Variants in GRM8 observed in about 807,000 individuals in gnomAD.
GRM8 encodes metabotropic glutamate receptor 8.
A neutral mutation model predicts 87.2 loss-of-function variants in GRM8; 47 were observed. The observed-to-expected ratio is 0.54, with a 90% CI of 0.43 to 0.69. The LOEUF is 0.69. Among genes scored for constraint, GRM8 ranks in the 30% least tolerant of loss-of-function variants. The pLI is 0.00. For missense variants in GRM8, 1,019 were observed against 1,139.2 expected (o/e 0.89, Z 1.52); for synonymous variants, 396 against 404.5 (o/e 0.98, Z 0.25).
rs552074756 is a variant in GRM8, at chr7:126,919,506, G to C, written c.728-14823C>G. 1.7e-4 allele frequency among the ~76,000 whole-genome samples: 26 copies of C among 152,164 alleles called. No individual in the cohort carries two copies. In the South Asian group the frequency reaches 5.4e-3, roughly 32 times the overall value. On this transcript the variant is annotated intron_variant, in intron 3 of 10. Coordinates refer to ENST00000339582, the MANE Select transcript of GRM8 (RefSeq NM_000845.3). ...ACTTCACAAGTCAAAGAATGACTGG[G>C]GATCTTAAAAACTGATTTTTTGTTA...
Position 126,462,513 on chromosome 7 carries a change from A to T in GRM8, c.2431-16141T>A, listed in dbSNP as rs550290492. Among the ~76,000 whole-genome samples the T allele has an allele frequency of 1.2e-4, 18 of 151,750 alleles. No homozygotes were observed. The South Asian group carries it at 2.9e-3, about 24-fold the overall frequency. ...ATCACATGTAATATTATATGTATAAAATTATATCTCAAATGCCACCAGTCA... is the reference window on the plus strand; with the variant it reads ...ATCACATGTAATATTATATGTATAATATTATATCTCAAATGCCACCAGTCA... On this transcript the variant is annotated intron_variant, in intron 9 of 10. Coordinates refer to ENST00000339582, the MANE Select transcript of GRM8 (RefSeq NM_000845.3).
intron 3 of GRM8, among the ~76,000 whole-genome samples, chr7:127,006,087 A>G (rs1288988510): frequency 6.6e-6 from 1 of 151,842 alleles, no homozygotes; most frequent in Non-Finnish European, 1.5e-5. Flanking sequence ...GTTTAACTGA[A>G]AAACTAAAAG....
chr7:126,446,724 G>A (rs1023237408), intron 9 of GRM8, among the ~76,000 whole-genome samples: 4 of 152,080 alleles, frequency 2.6e-5, no homozygotes, highest in Non-Finnish European at 5.9e-5. Context: ...TTCTTTAGAA[G>A]GTACTAGTGG....
intron 7 of GRM8, among the ~76,000 whole-genome samples, chr7:126,612,240 G>A (rs2151108468): frequency 6.6e-6 from 1 of 152,196 alleles, no homozygotes; most frequent in South Asian, 2.1e-4. Context: ...CTGTCTATAT[G>A]AGAACATATA....
chr7:126,691,215 G>A (rs1262236126), intron 7 of GRM8, among the ~76,000 whole-genome samples: 1 of 152,226 alleles, frequency 6.6e-6, no homozygotes, highest in Non-Finnish European at 1.5e-5. Context: ...AGTCCAGAGG[G>A]GGCTAAGGTG....
chr7:127,237,304 T>C (rs1176190785), intron 2 of GRM8, among the ~76,000 whole-genome samples: 1 of 152,204 alleles, frequency 6.6e-6, no homozygotes, highest in African/African-American at 2.4e-5. Context: ...AGATTGAACA[T>C]GAAATTTACC....
At position 126,778,245 on chromosome 7, in the gene GRM8, G is replaced by A. The variant is rs144798361; in HGVS notation, c.1157-8180C>T. ...CAGCAAGAACTGAAGGCTCTTAGCTGCCTGAGGACACATGAGGAGACACTT... is the reference window on the plus strand; with the variant it reads ...CAGCAAGAACTGAAGGCTCTTAGCTACCTGAGGACACATGAGGAGACACTT... On this transcript the variant is annotated intron_variant, in intron 6 of 10. Transcript: ENST00000339582. 1.6e-4 allele frequency among the ~76,000 whole-genome samples: 24 copies of A among 152,246 alleles called. 1 individual carries two copies. The highest frequency in any genetic ancestry group is 5.8e-4 in the African/African-American group (24 of 41,562).
chr7:126,502,252 C>T (rs1809756105), intron 9 of GRM8, among the ~76,000 whole-genome samples: 1 of 151,960 alleles, frequency 6.6e-6, no homozygotes, highest in Non-Finnish European at 1.5e-5. Flanking sequence ...AATGTTACAC[C>T]ATCTCTACAG....
intron 6 of GRM8, among the ~76,000 whole-genome samples, chr7:126,772,985 G>A (rs1304046226): frequency 1.3e-5 from 2 of 152,100 alleles, no homozygotes; most frequent in South Asian, 2.1e-4. Context: ...GGCCCAATAA[G>A]CAGGAATTGA....
At chr7:127,040,158 T>C (rs1471092970) in intron 3 of GRM8, among the ~76,000 whole-genome samples, 2 of 150,888 alleles carry the variant, frequency 1.3e-5, no homozygotes, top group Admixed American at 1.3e-4. Context: ...AAGGCAAGTT[T>C]TGCAAGACTA....
intron 7 of GRM8, among the ~76,000 whole-genome samples, chr7:126,658,428 G>A (rs1010550374): frequency 3.3e-5 from 5 of 152,148 alleles, no homozygotes; most frequent in African/African-American, 1.2e-4. Context: ...GAGTAGGACT[G>A]GATGAGCAGA....
At chr7:127,074,396 C>T (rs1454702488) in intron 3 of GRM8, among the ~76,000 whole-genome samples, 1 of 152,140 alleles carries the variant, frequency 6.6e-6, no homozygotes, top group Admixed American at 6.6e-5. Context: ...ACAAGGACAG[C>T]AGAGGGTCAC....
Position 127,243,272 on chromosome 7 carries a change from C to T in GRM8, c.-68G>A, listed in dbSNP as rs1220999670. Reference sequence around the variant, plus strand: ...TCTTGCCACAGAAGAAAGGGCACCACCTGAGGCTGCACCTTCTGGAGGCTA... The same window carrying T: ...TCTTGCCACAGAAGAAAGGGCACCATCTGAGGCTGCACCTTCTGGAGGCTA... On this transcript the variant is annotated 5_prime_UTR_variant, in exon 2 of 11. The change creates a new upstream start codon in the 5' untranslated region. Coordinates refer to ENST00000339582, the MANE Select transcript of GRM8 (RefSeq NM_000845.3). The T allele has an allele frequency of 7.1e-6, 10 of 1,413,084 alleles. No homozygotes were observed. The highest frequency in any genetic ancestry group is 6.8e-5 in the East Asian group (3 of 43,908). 87.5% of individuals were successfully genotyped at this position (1,413,084 alleles called of 1,614,324 possible).
chr7:127,219,209 T>C (rs1000932308), intron 2 of GRM8, among the ~76,000 whole-genome samples: 5 of 152,156 alleles, frequency 3.3e-5, no homozygotes, highest in Non-Finnish European at 4.4e-5. Context: ...GATATCTGTA[T>C]CTGTCCAGGT....
chr7:127,071,217 A>T (rs1463956290), intron 3 of GRM8, among the ~76,000 whole-genome samples: 2 of 152,202 alleles, frequency 1.3e-5, no homozygotes, highest in Non-Finnish European at 2.9e-5. Context: ...GGGAAAAAAA[A>T]TACCTAAAAA....
At chr7:127,204,378 CAG>C (rs907235407) in intron 2 of GRM8, among the ~76,000 whole-genome samples, 1 of 152,188 alleles carries the variant, frequency 6.6e-6, no homozygotes, top group African/African-American at 2.4e-5. Context: ...AGCTAAATGT[CAG>C]AGAGCCAAGG....
chr7:127,040,019 GGT>G (rs1818256195), intron 3 of GRM8, among the ~76,000 whole-genome samples: 2 of 56,694 alleles, frequency 3.5e-5, no homozygotes, highest in Admixed American at 1.6e-4. Context: ...GGGAGGGGAG[GGT>G]GAGGAGGGAG....
chr7:126,461,677 T>C (rs891872198), intron 9 of GRM8, among the ~76,000 whole-genome samples: 6 of 151,628 alleles, frequency 4.0e-5, no homozygotes, highest in African/African-American at 7.3e-5. Flanking sequence ...CCTTCATTCA[T>C]TGGAGGTTCT....
At chr7:127,124,699 T>A (rs1827266423) in intron 2 of GRM8, among the ~76,000 whole-genome samples, 1 of 152,178 alleles carries the variant, frequency 6.6e-6, no homozygotes, top group African/African-American at 2.4e-5. Context: ...ATTTTAAATT[T>A]ACCTTAAATT....
Sources: allele counts gnomAD v4.1 joint callset (sites outside exome capture counted in the v4.1 genomes callset), GRCh38; gene constraint gnomAD v4.1.1; transcripts MANE v1.5; gene names NCBI Gene and HGNC (gene_info 2026-07-23, HGNC 2026-07-21).